The following FAT4 variants were observed in gnomAD, a reference collection of about 807,000 sequenced individuals.
FAT4 encodes the protein protocadherin Fat 4.
Under a neutral mutation model 303.9 loss-of-function variants are expected in FAT4, and 84 were observed. The ratio of observed to expected loss-of-function variants is 0.28; its 90% CI spans 0.23 to 0.33. FAT4 has a LOEUF of 0.33. Ranked by LOEUF, FAT4 falls within the 10% of genes least tolerant of loss-of-function variation. The pLI is 1.00. For missense variants in FAT4, 6,005 were observed against 6,146.8 expected, an observed-to-expected ratio of 0.98 and a Z score of 0.77; for synonymous variants, 2,307 against 2,298.8, an observed-to-expected ratio of 1.00 and a Z score of -0.10.
chr4:125,388,459 C>G (rs1733849032), intron 2 of FAT4, among the ~76,000 whole-genome samples: 1 of 152,058 alleles, frequency 6.6e-6, no homozygotes, highest in African/African-American at 2.4e-5. Flanking sequence ...ACTAAAATTT[C>G]CCTTTGATAT....
intron 12 of FAT4, among the ~76,000 whole-genome samples, chr4:125,475,091 A>C (rs758494679): frequency 3.5e-4 from 53 of 152,102 alleles, no homozygotes; most frequent in Non-Finnish European, 4.3e-4. Context: ...CATTGGGAGA[A>C]ACCTTTCAAC....
At chr4:125,340,932 A>G (rs750343446) in intron 2 of FAT4, among the ~76,000 whole-genome samples, 2 of 152,228 alleles carry the variant, frequency 1.3e-5, no homozygotes, top group Non-Finnish European at 2.9e-5. Flanking sequence ...ATAATAAACT[A>G]TAACTTAAGT....
At chr4:125,394,514 T>G (rs1465369496) in intron 2 of FAT4, among the ~76,000 whole-genome samples, 1 of 152,174 alleles carries the variant, frequency 6.6e-6, no homozygotes, top group Non-Finnish European at 1.5e-5. Context: ...ATCTCAGAAT[T>G]TTAAGCTAAA....
intron 8 of FAT4, among the ~76,000 whole-genome samples, chr4:125,436,291 G>A (rs1319929445): frequency 1.3e-5 from 2 of 152,128 alleles, no homozygotes; most frequent in African/African-American, 2.4e-5. Flanking sequence ...ATCATGATAT[G>A]ATATCATTTA....
intron 10 of FAT4, among the ~76,000 whole-genome samples, chr4:125,461,712 C>T (rs929948473): frequency 6.6e-6 from 1 of 151,496 alleles, no homozygotes; most frequent in Admixed American, 6.6e-5. Context: ...CAGTGAAAAC[C>T]AAATGGAAAG....
At chr4:125,391,210 T>C (rs6844307) in intron 2 of FAT4, among the ~76,000 whole-genome samples, 150,846 of 152,264 alleles carry the variant, frequency 0.99, 74,731 homozygotes, top group East Asian at 1. Context: ...TATAAAGACA[T>C]ATGCACATGT....
intron 11 of FAT4, among the ~76,000 whole-genome samples, chr4:125,464,180 CT>C (rs1322977713): frequency 7.2e-5 from 11 of 152,170 alleles, no homozygotes; most frequent in Admixed American, 7.2e-4. Context: ...TCATAATAGG[CT>C]TTTTGTAGCT....
At chr4:125,447,590 A>T (rs944351549) in intron 9 of FAT4, among the ~76,000 whole-genome samples, 1 of 152,156 alleles carries the variant, frequency 6.6e-6, no homozygotes, top group African/African-American at 2.4e-5. Context: ...TCTTTTCCTC[A>T]TTGGACTTAT....
intron 16 of FAT4, among the ~76,000 whole-genome samples, chr4:125,482,064 C>A (rs966860440): frequency 6.6e-6 from 1 of 152,136 alleles, no homozygotes; most frequent in African/African-American, 2.4e-5. Context: ...TTAGACAAAG[C>A]AAACCAAAAA....
chr4:125,430,157 TAAAAA>T (rs10537393), intron 7 of FAT4, among the ~76,000 whole-genome samples: 1 of 143,850 alleles, frequency 7.0e-6, no homozygotes, highest in Non-Finnish European at 1.5e-5. Context: ...ACTTAAAGTA[TAAAAA>T]AAAAAAAAAA....
chr4:125,342,953 G>C (rs1357005435), intron 2 of FAT4, among the ~76,000 whole-genome samples: 1 of 151,992 alleles, frequency 6.6e-6, no homozygotes, highest in East Asian at 1.9e-4. Context: ...ATATCATTTT[G>C]AAATTATAAA....
At chr4:125,459,305 C>G (rs542865039) in intron 10 of FAT4, among the ~76,000 whole-genome samples, 11 of 152,080 alleles carry the variant, frequency 7.2e-5, no homozygotes, top group African/African-American at 2.4e-4. Context: ...ACAAGTGAAA[C>G]TTGAATATAC....
At chr4:125,418,552 C>T (rs1455015198) in intron 7 of FAT4, among the ~76,000 whole-genome samples, 4 of 152,018 alleles carry the variant, frequency 2.6e-5, no homozygotes, top group African/African-American at 4.8e-5. Context: ...ATTACAAAAC[C>T]GGAAGAGGGT....
intron 2 of FAT4, among the ~76,000 whole-genome samples, chr4:125,376,594 T>A (rs1733333158): frequency 1.3e-5 from 2 of 152,214 alleles, no homozygotes; most frequent in South Asian, 4.1e-4. Context: ...ATCTTAAGTA[T>A]AATTAAAAAT....
rs770966934 is a variant in FAT4, at chr4:125,434,443, T to G, written c.7199+18T>G. On this transcript the variant is annotated intron_variant, in intron 8 of 17. Transcript: ENST00000394329. ...GTTATAAGGTCAGTACATTTTCCTTTGTAAAGTTTGTCTGTTTTCTCATTA... is the reference window on the plus strand; with the variant it reads ...GTTATAAGGTCAGTACATTTTCCTTGGTAAAGTTTGTCTGTTTTCTCATTA... 6.2e-7 allele frequency: 1 copy of G among 1,611,186 alleles called. No homozygotes were observed. The highest frequency in any genetic ancestry group is 8.5e-7 in the Non-Finnish European group (1 of 1,178,760).
At chr4:125,397,678 C>T (rs1734236161) in intron 2 of FAT4, among the ~76,000 whole-genome samples, 1 of 152,058 alleles carries the variant, frequency 6.6e-6, no homozygotes, top group Non-Finnish European at 1.5e-5. Flanking sequence ...TTGTCTAGCT[C>T]TTGTATATTT....
chr4:125,411,895 G>A (rs976352308), intron 5 of FAT4, among the ~76,000 whole-genome samples: 30 of 150,860 alleles, frequency 2.0e-4, no homozygotes, highest in Admixed American at 1.9e-3. Context: ...AAAACCATAT[G>A]TATGCAATAA....
intron 16 of FAT4, among the ~76,000 whole-genome samples, chr4:125,484,084 C>T (rs1220296461): frequency 1.3e-5 from 2 of 151,462 alleles, no homozygotes; most frequent in Non-Finnish European, 2.9e-5. Flanking sequence ...CACACACACA[C>T]ACACACACAC....
intron 2 of FAT4, among the ~76,000 whole-genome samples, chr4:125,384,186 C>G (rs1404114848): frequency 6.6e-6 from 1 of 152,130 alleles, no homozygotes; most frequent in African/African-American, 2.4e-5. Context: ...TGGTAGAATT[C>G]CTATGACTGG....
Sources: gnomAD v4.1 joint callset for allele counts (sites outside exome capture counted in the v4.1 genomes callset) on GRCh38, gnomAD v4.1.1 for gene constraint, MANE v1.5 for transcripts, NCBI Gene and HGNC (gene_info 2026-07-23, HGNC 2026-07-21) for gene names.